DLG5: variants seen among roughly 807,000 people sequenced by gnomAD.
DLG5 encodes discs large MAGUK scaffold protein 5.
Under a neutral mutation model 189.8 loss-of-function variants are expected in DLG5, and 48 were observed. The ratio of observed to expected loss-of-function variants is 0.25; its 90% CI spans 0.20 to 0.32. The LOEUF (loss-of-function observed/expected upper bound fraction) is 0.32, where lower values mean the gene tolerates loss of function less well. Ranked by LOEUF, DLG5 falls within the 10% of genes least tolerant of loss-of-function variation. The probability of loss-of-function intolerance (pLI) is 1.00; values close to 1 mark genes in which losing one functional copy is unlikely to be tolerated. For synonymous variants in DLG5, 1,016 were observed against 1,054.1 expected, an observed-to-expected ratio of 0.96 and a Z score of 0.70; for missense variants, 2,160 against 2,544.7, an observed-to-expected ratio of 0.85 and a Z score of 3.25.
rs1306415071 is a variant in DLG5 at position 77,796,745 on chromosome 10, C to A, written c.5165-151G>T. 13 of 964,668 alleles carry A rather than the reference C, an allele frequency of 1.3e-5. 1 individual carries two copies. Among genetic ancestry groups the A allele is most frequent in the African/African-American group, 1.3e-4 (8 of 61,008 alleles). The allele number at this position is 964,668 out of a possible 1,614,324, so 59.8% of individuals were successfully genotyped here. On this transcript the variant is annotated intron_variant, in intron 27 of 31. Transcript: ENST00000372391. This position sits in a 1 kb window ranked among gnomAD's most constrained non-coding sequence, Gnocchi z 5.2. ...TGAAAATCTCGTGTCCCAGGCACAA[C>A]CGGGCATCGTCACCCCTGGAGTCCA...
At chr10:77,803,718 G>C (rs1603641120) in intron 27 of DLG5, among the ~76,000 whole-genome samples, 1 of 152,106 alleles carries the variant, frequency 6.6e-6, no homozygotes. Flanking sequence ...AATAGACAAA[G>C]GGCTATTTTT....
Position 77,853,520 on chromosome 10 carries a change from A to T in DLG5, c.698T>A (p.Leu233His), listed in dbSNP as rs1260737170. Residue 233 changes from leucine to histidine, a missense_variant, in exon 5 of 32, where the codon CTC (leucine) becomes CAC (histidine). Physicochemically the swap from Leu to His is moderately conservative, Grantham distance 99. This residue lies in a region of DLG5 where 664 missense variants were observed against 838.5 expected (regional missense o/e 0.79). Transcript: ENST00000372391. The part of the protein sequence containing the change: ...TDFYHTLHSR[L>H]LSDQTRLKDD... ...CTTCAGCCGAGTCTGGTCACTCAGG[A>T]GCCGGCTGTGGAGTGTGCTGAAACA... The T allele has an allele frequency of 6.2e-7, 1 of 1,606,738 alleles. No individual in the cohort carries two copies. Among genetic ancestry groups the T allele is most frequent in the South Asian group, 1.1e-5 (1 of 90,078 alleles).
Position 77,842,589 on chromosome 10 carries a change from G to A in DLG5, c.1125-396C>T, listed in dbSNP as rs1843477061. 2.0e-5 allele frequency among the ~76,000 whole-genome samples: 3 copies of A among 152,330 alleles called. No individual in the cohort carries two copies. The South Asian group carries it at 6.2e-4, about 32-fold the overall frequency. ...TCACAGATACGAACAGTACAGCCCT[G>A]TGACAAGGTCATCAAGTTCGCTCGA... On this transcript the variant is annotated intron_variant, in intron 6 of 31. Transcript: ENST00000372391.
Position 77,874,610 on chromosome 10 carries a change from G to A in DLG5, c.305-5413C>T, listed in dbSNP as rs146106320. 3.0e-3 allele frequency among the ~76,000 whole-genome samples: 457 copies of A among 152,200 alleles called. 2 individuals carry two copies. Among genetic ancestry groups the A allele is most frequent in the African/African-American group, 0.01 (433 of 41,508 alleles). On this transcript the variant is annotated intron_variant, in intron 1 of 31. Transcript: ENST00000372391. The stretch of plus-strand genomic sequence containing the variant: ...TAAGGTGTATATGAAATGAGAATAC[G>A]TTTCACATCTAGACTTGGGTCCTAT...
intron 2 of DLG5, chr10:77,867,960 T>C (rs1844751117): frequency 2.2e-6 from 1 of 456,632 alleles, no homozygotes; most frequent in South Asian, 1.5e-5. Flanking sequence ...ACGGAGAACA[T>C]CATGTGAACA....
Position 77,856,898 on chromosome 10 carries a change from G to A in DLG5, c.374-6C>T, listed in dbSNP as rs1319363744. 7 of 1,608,788 alleles carry A rather than the reference G, an allele frequency of 4.4e-6. No homozygotes were observed. Among genetic ancestry groups the A allele is most frequent in the Non-Finnish European group, 5.9e-6 (7 of 1,177,928 alleles). ...CGGCGCCTTCCCGGTAGTGCCTGTG[G>A]AAGGGGAATAATAAAGTGAACTTGT... On this transcript the variant is annotated splice_region_variant and splice_polypyrimidine_tract_variant and intron_variant, in intron 2 of 31. Transcript: ENST00000372391.
intron 6 of DLG5, among the ~76,000 whole-genome samples, chr10:77,842,871 A>C (rs539188500): frequency 3.3e-5 from 5 of 152,244 alleles, no homozygotes; most frequent in Non-Finnish European, 7.3e-5. Context: ...CAGCAGAGAC[A>C]TCTGTCTGGG....
At chr10:77,850,464 T>C (rs2154576583) in intron 5 of DLG5, among the ~76,000 whole-genome samples, 1 of 152,346 alleles carries the variant, frequency 6.6e-6, no homozygotes, top group South Asian at 2.1e-4. Flanking sequence ...ACCTTTGGGT[T>C]GTTACCGGTT....
At chr10:77,800,130 CAAT>C (rs1427350909) in intron 27 of DLG5, among the ~76,000 whole-genome samples, 1 of 152,022 alleles carries the variant, frequency 6.6e-6, no homozygotes. Context: ...CAGTTGGAAG[CAAT>C]AAACTAAAGC....
At chr10:77,819,531 C>T (rs1842230710) in intron 16 of DLG5, 66 bp from the exon 17 acceptor site, 2 of 1,543,650 alleles carry the variant, frequency 1.3e-6, no homozygotes, top group Non-Finnish European at 8.7e-7. Flanking sequence ...TTACACAAGC[C>T]TTTCCCCTGT....
chr10:77,890,571 C>A (rs1845577142), intron 1 of DLG5, among the ~76,000 whole-genome samples: 1 of 152,194 alleles, frequency 6.6e-6, no homozygotes, highest in Admixed American at 6.5e-5. Flanking sequence ...AATCCCAACA[C>A]TTTGGGAGGC....
chr10:77,815,430 C>T (rs534583122), intron 20 of DLG5, among the ~76,000 whole-genome samples: 4 of 152,242 alleles, frequency 2.6e-5, no homozygotes, highest in South Asian at 4.1e-4. Context: ...GAGGCCGAGG[C>T]GGGTGGATCA....
At chr10:77,824,343 A>C in intron 14 of DLG5, 41 bp downstream of exon 14, 2 of 1,472,118 alleles carry the variant, frequency 1.4e-6, no homozygotes, top group Non-Finnish European at 9.5e-7. Context: ...GGCTCTGCCC[A>C]TACTCCTGAC....
Position 77,796,551 on chromosome 10 carries a change from G to A in DLG5, c.5208C>T (p.Cys1736=). ...GAATCAGGACAGGCCTCAGAGCGGTGCAGTCCACCTTCTGGACCCGCTGAT... is the reference window on the plus strand; with the variant it reads ...GAATCAGGACAGGCCTCAGAGCGGTACAGTCCACCTTCTGGACCCGCTGAT... ...LAYQRVQKVD[C]TALRPVLILG... Residue 1736 remains cysteine, a synonymous_variant, in exon 28 of 32, where the codon TGC becomes TGT. Coordinates refer to ENST00000372391, the MANE Select transcript of DLG5 (RefSeq NM_004747.4). The surrounding 1 kb of genome is among the most constrained non-coding windows in gnomAD (Gnocchi z 5.2). The A allele has an allele frequency of 6.2e-7, 1 of 1,614,126 alleles. No individual in the cohort carries two copies.
At chr10:77,818,749 T>C (rs1470248660) in intron 17 of DLG5, among the ~76,000 whole-genome samples, 5 of 149,146 alleles carry the variant, frequency 3.4e-5, no homozygotes, top group African/African-American at 1.2e-4. Flanking sequence ...ACTGCCTTCA[T>C]AGCCTCTTGG....
intron 8 of DLG5, 39 bp from the exon 9 acceptor site, chr10:77,834,078 C>A: frequency 6.3e-7 from 1 of 1,589,114 alleles, no homozygotes; most frequent in Non-Finnish European, 8.6e-7. Flanking sequence ...TCTCAAGAGG[C>A]ATGGGGAAGG....
intron 10 of DLG5, 43 bp downstream of exon 10, chr10:77,830,698 C>T: frequency 6.2e-7 from 1 of 1,605,916 alleles, no homozygotes; most frequent in Non-Finnish European, 8.5e-7. Flanking sequence ...TCTCCTCCTT[C>T]ATCCATCAGA....
rs1846680122 is a variant in DLG5 at position 77,926,058 on chromosome 10, G to C, written c.304+159C>G. 6.6e-6 allele frequency among the ~76,000 whole-genome samples: 1 copy of C among 151,976 alleles called. No homozygotes were observed. Among genetic ancestry groups the C allele is most frequent in the Non-Finnish European group, 1.5e-5 (1 of 67,952 alleles). On this transcript the variant is annotated intron_variant, in intron 1 of 31. Coordinates refer to ENST00000372391, the MANE Select transcript of DLG5 (RefSeq NM_004747.4). This position sits in a 1 kb window ranked among gnomAD's most constrained non-coding sequence, Gnocchi z 5.2. The stretch of plus-strand genomic sequence containing the variant: ...GGACTGGGGGAGGCGGCGGGACTTC[G>C]GGATCCGCGCACCGCCGCCTCCCCA...
intron 1 of DLG5, among the ~76,000 whole-genome samples, chr10:77,882,239 G>T (rs1232578073): frequency 1.3e-5 from 2 of 152,216 alleles, no homozygotes; most frequent in Admixed American, 1.3e-4. Flanking sequence ...GGATGGACAT[G>T]GGCTCCCTCT....
Sources: allele counts gnomAD v4.1 joint callset (sites outside exome capture counted in the v4.1 genomes callset), GRCh38; gene constraint gnomAD v4.1.1; regional missense constraint gnomAD v4.1.1; non-coding constraint Gnocchi (gnomAD v3.1); transcripts MANE v1.5; gene names NCBI Gene and HGNC (gene_info 2026-07-23, HGNC 2026-07-21).